The following ZNF276 variants were observed in gnomAD, a reference collection of about 807,000 sequenced individuals.
ZNF276 encodes the protein zinc finger protein 276, also known as centromere protein Z.
Under a neutral mutation model 63.9 loss-of-function variants are expected in ZNF276, and 59 were observed. That is an observed-to-expected ratio of 0.92 (90% CI 0.75 to 1.15). The LOEUF is 1.15. ZNF276 is among the 50% of genes most tolerant of loss of function. ZNF276 has a pLI of 0.00. For synonymous variants in ZNF276, 496 were observed against 348.4 expected (o/e 1.42, Z -4.72); for missense variants, 1,084 against 843.8 (o/e 1.28, Z -3.53).
rs905886601 is a variant in ZNF276, at chr16:89,738,338, G to A, written c.*92G>A. ...TCGTGTGCACCCGCATGGGAGGGTC[G>A]GAGGGTGCTGCCCGCCCTTGGTGCT... On this transcript the variant is annotated 3_prime_UTR_variant, in exon 11 of 11. Coordinates refer to ENST00000443381, the MANE Select transcript of ZNF276 (RefSeq NM_001113525.2). 27 of 1,494,146 alleles carry A rather than the reference G, an allele frequency of 1.8e-5. 1 individual carries two copies. Among genetic ancestry groups the A allele is most frequent in the South Asian group, 9.0e-5 (7 of 77,404 alleles). 92.6% of individuals were successfully genotyped at this position (1,494,146 alleles called of 1,614,324 possible). A position where few individuals can be genotyped will look rare whatever the true frequency, so the allele number is the denominator to read the frequency against.
intron 5 of ZNF276, among the ~76,000 whole-genome samples, chr16:89,728,220 T>C (rs2061526740): frequency 6.6e-6 from 1 of 151,408 alleles, no homozygotes; most frequent in Non-Finnish European, 1.5e-5. Flanking sequence ...TTTTTTTTTT[T>C]TCCTTTTGTG....
chr16:89,730,504 C>T (rs2061610565), intron 6 of ZNF276, among the ~76,000 whole-genome samples: 1 of 152,164 alleles, frequency 6.6e-6, no homozygotes. Flanking sequence ...GGAGGGTCCT[C>T]TCTGCTGAGC....
At chr16:89,728,313 C>T (rs548878965) in intron 5 of ZNF276, among the ~76,000 whole-genome samples, 1 of 151,994 alleles carries the variant, frequency 6.6e-6, no homozygotes, top group South Asian at 2.1e-4. Flanking sequence ...CAAACTCCAC[C>T]TCCCGCGTTC....
At chr16:89,725,799 AAAAAC>A (rs1402388575) in intron 4 of ZNF276, among the ~76,000 whole-genome samples, 1 of 152,154 alleles carries the variant, frequency 6.6e-6, no homozygotes, top group Non-Finnish European at 1.5e-5. Context: ...TAAAAAAGAA[AAAAAC>A]AAAACAAAGA....
rs62704561 is a variant in ZNF276, at chr16:89,737,928, T to C, written c.1574+23T>C. The C allele has an allele frequency of 0.018, 11,293 of 629,144 alleles. 567 individuals carry two copies. In the African/African-American group the frequency reaches 0.37, roughly 20 times the overall value. The allele number at this position is 629,144 out of a possible 1,614,324, so 39.0% of individuals were successfully genotyped here. On this transcript the variant is annotated intron_variant, in intron 10 of 10. Transcript: ENST00000443381. ...GCAGTAAGTGTGAGTCAGGACCCCC[T>C]CCCAGGGCTGTGGCCCTCGCACCTT...
rs1253298917 is a variant in ZNF276 at position 89,721,537 on chromosome 16, G to A, written c.-104G>A. ...TTGCTTCTCGCTCCGCCCCTCCCCC[G>A]CCCCGCCTCGCTTCCAGCGCGCCGA... On this transcript the variant is annotated 5_prime_UTR_variant, in exon 1 of 11. Coordinates refer to ENST00000443381, the MANE Select transcript of ZNF276 (RefSeq NM_001113525.2). The A allele has an allele frequency of 3.8e-5, 37 of 975,644 alleles. No individual in the cohort carries two copies. Among genetic ancestry groups the A allele is most frequent in the Non-Finnish European group, 5.1e-5 (37 of 731,484 alleles). The allele number at this position is 975,644 out of a possible 1,614,324, so 60.4% of individuals were successfully genotyped here. A position where few individuals can be genotyped will look rare whatever the true frequency, so the allele number is the denominator to read the frequency against.
chr16:89,727,562 A>G (rs1319818916), intron 5 of ZNF276, among the ~76,000 whole-genome samples: 1 of 152,252 alleles, frequency 6.6e-6, no homozygotes, highest in East Asian at 1.9e-4. Flanking sequence ...TGGTTGGGAC[A>G]CGCCTCCTCT....
chr16:89,720,881 G>T, upstream of ZNF276: 1 of 1,343,658 alleles, frequency 7.4e-7, no homozygotes, highest in Non-Finnish European at 9.6e-7. Context: ...CGGGGGAGGC[G>T]GCGGCGGTAG....
chr16:89,739,963 C>A lies in ZNF276; in HGVS notation c.*1717C>A, dbSNP rs778785348. ...GATGCCTCTGAAAAGAGCGGCCCTC[C>A]GCATTTGTGCCTCAGCAGCGTGTTT... On this transcript the variant is annotated 3_prime_UTR_variant, in exon 11 of 11. Transcript: ENST00000443381. The A allele has an allele frequency of 4.3e-6, 7 of 1,612,324 alleles. No homozygotes were observed. The Admixed American group carries it at 8.3e-5, about 19-fold the overall frequency.
Position 89,740,764 on chromosome 16 carries a change from C to T in ZNF276, c.*2518C>T. The stretch of plus-strand genomic sequence containing the variant: ...CTGCCTGGTGCCCCTGCCTGGCCCA[C>T]AGTGGGAGAGGACACCTTGGCTGGT... On this transcript the variant is annotated 3_prime_UTR_variant, in exon 11 of 11. Coordinates refer to ENST00000443381, the MANE Select transcript of ZNF276 (RefSeq NM_001113525.2). 3 of 1,590,344 alleles carry T rather than the reference C, an allele frequency of 1.9e-6. No homozygotes were observed. The highest frequency in any genetic ancestry group is 2.2e-5 in the South Asian group (2 of 89,724).
At chr16:89,729,440 C>G (rs555358242) in intron 6 of ZNF276, 122 bp downstream of exon 6, 3 of 879,888 alleles carry the variant, frequency 3.4e-6, no homozygotes, top group Non-Finnish European at 5.4e-6. Context: ...ATCTCCCGAG[C>G]CCAGTGAAAC....
At position 89,739,064 on chromosome 16, in the gene ZNF276, A is replaced by G; in HGVS notation, c.*818A>G. ...CATAGTCTGCATGCTGTGCCGGAAC[A>G]TTCTTTGGCAGAAGGAGCCTCCGGC... On this transcript the variant is annotated 3_prime_UTR_variant, in exon 11 of 11. Coordinates refer to ENST00000443381, the MANE Select transcript of ZNF276 (RefSeq NM_001113525.2). 1.2e-6 allele frequency: 2 copies of G among 1,613,994 alleles called. No homozygotes were observed. The highest frequency in any genetic ancestry group is 1.7e-6 in the Non-Finnish European group (2 of 1,179,898).
chr16:89,740,205 G>A lies in ZNF276; in HGVS notation c.*1959G>A. ...AGAGGGCATTTCCTCTTTGCTTATT[G>A]TAAGTCTTAAAACTGGTGACAGTTT... On this transcript the variant is annotated 3_prime_UTR_variant, in exon 11 of 11. Coordinates refer to ENST00000443381, the MANE Select transcript of ZNF276 (RefSeq NM_001113525.2). 5 of 941,596 alleles carry A rather than the reference G, an allele frequency of 5.3e-6. No homozygotes were observed. The South Asian group carries it at 6.5e-5, about 12-fold the overall frequency. 58.3% of individuals were successfully genotyped at this position (941,596 alleles called of 1,614,324 possible). A position where few individuals can be genotyped will look rare whatever the true frequency, so the allele number is the denominator to read the frequency against.
chr16:89,721,758 C>A lies in ZNF276; in HGVS notation c.118C>A (p.Pro40Thr). ...TRGRPSLSGG[P>T]RVDGATARRA... The stretch of plus-strand genomic sequence containing the variant: ...GGGCCGCCCTTCCCTTAGCGGTGGG[C>A]CGAGGGTGGACGGGGCGACGGCGCG... The change falls in exon 1 of 11, where the codon CCG becomes ACG. Residue 40 changes from proline (P) to threonine (T), a missense_variant. Transcript: ENST00000443381. 5 of 1,289,570 alleles carry A rather than the reference C, an allele frequency of 3.9e-6. No individual in the cohort carries two copies. The highest frequency in any genetic ancestry group is 4.9e-6 in the Non-Finnish European group (5 of 1,020,580). 79.9% of individuals were successfully genotyped at this position (1,289,570 alleles called of 1,614,324 possible).
In ZNF276 at chr16:89,740,369, G is replaced by A. The variant is rs571181187; in HGVS notation, c.*2123G>A. On this transcript the variant is annotated 3_prime_UTR_variant, in exon 11 of 11. Transcript: ENST00000443381. ...AAGAAAGGCCCACAGGCCGGATGCA[G>A]TGGCTCATGCCTGTAATCCCAACAC... The A allele has an allele frequency of 5.8e-6, 3 of 518,786 alleles. No individual in the cohort carries two copies. The highest frequency in any genetic ancestry group is 1.0e-5 in the Non-Finnish European group (3 of 286,728). The allele number at this position is 518,786 out of a possible 1,614,324, so 32.1% of individuals were successfully genotyped here. A position where few individuals can be genotyped will look rare whatever the true frequency, so the allele number is the denominator to read the frequency against.
At position 89,734,019 on chromosome 16, in the gene ZNF276, C is replaced by G. The variant is rs759839920; in HGVS notation, c.1455C>G (p.His485Gln). Residue 485 changes from histidine to glutamine, a missense_variant, in exon 9 of 11, where the codon CAC becomes CAG. By Grantham distance (24) the His-to-Gln change is conservative. Coordinates refer to ENST00000443381, the MANE Select transcript of ZNF276 (RefSeq NM_001113525.2). ...TGATCGACCGCTACCTGCAGCGCCA[C>G]GTGAAGCTCATCCACACAGGTACGC... ...VFMIDRYLQR[H>Q]VKLIHTEVRN... 4 of 1,614,060 alleles carry G rather than the reference C, an allele frequency of 2.5e-6. No individual in the cohort carries two copies. The highest frequency in any genetic ancestry group is 3.4e-6 in the Non-Finnish European group (4 of 1,180,018).
rs377193935 is a variant in ZNF276, at chr16:89,723,573, G to A, written c.870G>A (p.Gly290=). The change falls in exon 4 of 11, where the codon GGG becomes GGA. Residue 290 remains glycine, a synonymous_variant. Coordinates refer to ENST00000443381, the MANE Select transcript of ZNF276 (RefSeq NM_001113525.2). Reference sequence around the variant, plus strand: ...CCCCTCAGACCTCCCAGGGTAGAGGGACAGGGACCCCAGTTGGGGCTGAGA... The same window carrying A: ...CCCCTCAGACCTCCCAGGGTAGAGGAACAGGGACCCCAGTTGGGGCTGAGA... ...GDAPQTSQGR[G]TGTPVGAETK... is the part of the protein sequence containing the mutation. The A allele has an allele frequency of 9.3e-5, 150 of 1,612,694 alleles. No homozygotes were observed. The highest frequency in any genetic ancestry group is 1.1e-4 in the Non-Finnish European group (135 of 1,179,998).
At chr16:89,729,348 G>T (rs755871865) in intron 6 of ZNF276, 30 bp downstream of exon 6, 2 of 1,606,918 alleles carry the variant, frequency 1.2e-6, no homozygotes, top group Admixed American at 1.7e-5. Context: ...TCTGCTGGAG[G>T]CATCCGTTGG....
chr16:89,728,831 C>T (rs1460036734), intron 5 of ZNF276, among the ~76,000 whole-genome samples: 1 of 152,214 alleles, frequency 6.6e-6, no homozygotes, highest in Non-Finnish European at 1.5e-5. Flanking sequence ...GCCTCTGCAC[C>T]CAGCCACTTT....
Sources: allele counts gnomAD v4.1 joint callset (sites outside exome capture counted in the v4.1 genomes callset), GRCh38; gene constraint gnomAD v4.1.1; transcripts MANE v1.5; gene names NCBI Gene and HGNC (gene_info 2026-07-23, HGNC 2026-07-21).